Variants in ACLY observed in about 807,000 individuals in gnomAD.
ACLY encodes the protein ATP citrate lyase.
In ACLY, 41 loss-of-function variants were observed where a neutral mutation model predicts 133.0. The ratio of observed to expected loss-of-function variants is 0.31; its 90% CI spans 0.24 to 0.40. The LOEUF is 0.40. Ranked by LOEUF, ACLY falls within the 10% of genes least tolerant of loss-of-function variation. The probability of loss-of-function intolerance (pLI) is 1.00; values close to 1 mark genes in which losing one functional copy is unlikely to be tolerated. For synonymous variants in ACLY, 495 were observed against 549.3 expected (o/e 0.90, Z 1.38); for missense variants, 1,046 against 1,453.8 (o/e 0.72, Z 4.56).
At chr17:41,868,961 G>A in intron 27 of ACLY, 82 bp downstream of exon 27, 2 of 1,377,232 alleles carry the variant, frequency 1.5e-6, no homozygotes, top group Non-Finnish European at 2.0e-6. Flanking sequence ...ATTCTATTAT[G>A]AGTATGCATT....
intron 11 of ACLY, among the ~76,000 whole-genome samples, chr17:41,901,296 C>T (rs1457328652): frequency 1.3e-5 from 2 of 151,860 alleles, no homozygotes; most frequent in Non-Finnish European, 2.9e-5. Context: ...TGAAGGCTGC[C>T]CCGACCCCTC....
intron 1 of ACLY, among the ~76,000 whole-genome samples, chr17:41,924,104 C>T (rs1446913648): frequency 2.0e-5 from 3 of 151,834 alleles, no homozygotes; most frequent in South Asian, 4.2e-4. Context: ...CCACCACGCC[C>T]GGCCCAGTTC....
At chr17:41,876,508 G>T (rs1270645000) in intron 22 of ACLY, among the ~76,000 whole-genome samples, 1 of 152,260 alleles carries the variant, frequency 6.6e-6, no homozygotes, top group African/African-American at 2.4e-5. Flanking sequence ...AAATTGGATG[G>T]TTGCCGTGTC....
intron 1 of ACLY, among the ~76,000 whole-genome samples, chr17:41,927,857 A>G (rs1567923227): frequency 6.6e-6 from 1 of 151,580 alleles, no homozygotes; most frequent in East Asian, 1.9e-4. Context: ...TTATATTTAG[A>G]CAGGCATGGT....
In ACLY at chr17:41,904,654, T is replaced by A; in HGVS notation, c.1065+75A>T. 4 of 1,444,350 alleles carry A rather than the reference T, an allele frequency of 2.8e-6. No individual in the cohort carries two copies. In the Admixed American group the frequency reaches 7.3e-5, roughly 26 times the overall value. 89.5% of individuals were successfully genotyped at this position (1,444,350 alleles called of 1,614,324 possible). On this transcript the variant is annotated intron_variant, in intron 10 of 28. Transcript: ENST00000352035. ...ATGGTAACTTGGCTCTGGCTCAAAC[T>A]CTGCTTTCAAGGCCCCTTCCCTGCT...
At position 41,889,197 on chromosome 17, in the gene ACLY, C is replaced by T. The variant is rs1307123030; in HGVS notation, c.1771-1494G>A. ...GTGATGTGCTAGGTTTTGCCTTGGG[C>T]CATAGTTTGCCAACCTCTGCCCTAA... is the stretch of plus-strand genomic sequence containing the variant. On this transcript the variant is annotated intron_variant, in intron 16 of 28. Coordinates refer to ENST00000352035, the MANE Select transcript of ACLY (RefSeq NM_001096.3). Among the ~76,000 whole-genome samples, 10 of 152,118 alleles carry T rather than the reference C, an allele frequency of 6.6e-5. No homozygotes were observed. The East Asian group carries it at 1.9e-3, about 29-fold the overall frequency.
chr17:41,918,828 A>G (rs2050125951), intron 1 of ACLY, 52 bp downstream of exon 1: 1 of 1,270,228 alleles, frequency 7.9e-7, no homozygotes. Context: ...GGAGGCAGGA[A>G]GCTCCTAGGG....
At chr17:41,920,923 G>A (rs886110726), upstream of ACLY, among the ~76,000 whole-genome samples, 34 of 152,028 alleles carry the variant, frequency 2.2e-4, no homozygotes, top group African/African-American at 8.2e-4. Flanking sequence ...TTAGCTGGGC[G>A]TGGTGGCAGG....
At chr17:41,901,482 T>G (rs2049539065) in intron 11 of ACLY, among the ~76,000 whole-genome samples, 4 of 152,000 alleles carry the variant, frequency 2.6e-5, no homozygotes, top group African/African-American at 7.3e-5. Flanking sequence ...TAAATATCTG[T>G]TAAGTGTAGA....
intron 16 of ACLY, 110 bp from the exon 17 acceptor site, chr17:41,887,813 C>A: frequency 1.1e-6 from 1 of 880,070 alleles, no homozygotes; most frequent in Non-Finnish European, 1.9e-6. Flanking sequence ...TTCCAGGGTC[C>A]AAGAACAAAG....
intron 2 of ACLY, among the ~76,000 whole-genome samples, chr17:41,913,480 T>C (rs1555633975): frequency 6.6e-6 from 1 of 152,228 alleles, no homozygotes; most frequent in African/African-American, 2.4e-5. Context: ...CAGCTTTGAT[T>C]TGGACACCAG....
intron 10 of ACLY, among the ~76,000 whole-genome samples, chr17:41,902,512 C>T (rs563248383): frequency 4.6e-5 from 7 of 152,338 alleles, no homozygotes; most frequent in East Asian, 1.9e-4. Flanking sequence ...CCGCGCCCAG[C>T]GCGGTGTAAG....
At chr17:41,922,222 C>CA (rs1346534889), upstream of ACLY, among the ~76,000 whole-genome samples, 1 of 146,894 alleles carries the variant, frequency 6.8e-6, no homozygotes, top group Admixed American at 6.7e-5. Context: ...ACTAAAAATA[C>CA]AAAAAAAATA....
intron 17 of ACLY, among the ~76,000 whole-genome samples, chr17:41,887,188 C>T (rs2049075647): frequency 6.8e-6 from 1 of 146,996 alleles, no homozygotes; most frequent in Admixed American, 6.8e-5. Context: ...CCTGTAACTC[C>T]AGCACTTTGG....
chr17:41,881,754 G>T (rs889476002), intron 20 of ACLY, among the ~76,000 whole-genome samples: 1 of 152,078 alleles, frequency 6.6e-6, no homozygotes, highest in Non-Finnish European at 1.5e-5. Flanking sequence ...CTGCCACCAC[G>T]TCTGGCTACA....
intron 24 of ACLY, 95 bp downstream of exon 24, chr17:41,871,937 C>A (rs1238266106): frequency 6.3e-7 from 1 of 1,592,632 alleles, no homozygotes; most frequent in African/African-American, 1.3e-5. Context: ...GGGTTTTACA[C>A]TCAGGGGCTC....
At chr17:41,904,701 G>C in intron 10 of ACLY, 28 bp downstream of exon 10, 1 of 1,610,154 alleles carries the variant, frequency 6.2e-7, no homozygotes, top group Non-Finnish European at 8.5e-7. Flanking sequence ...ACTTTCCCCA[G>C]AAACTGCACC....
rs535108605 is a variant in ACLY at position 41,868,057 on chromosome 17, G to A, written c.3212-153C>T. On this transcript the variant is annotated intron_variant, in intron 28 of 28. Transcript: ENST00000352035. The stretch of plus-strand genomic sequence containing the variant: ...AATCCACTGTATAGGTAGATGAGGC[G>A]GACTTTGTACAAGGGAGCTGCTGGA... 2.6e-5 allele frequency among the ~76,000 whole-genome samples: 4 copies of A among 152,002 alleles called. No homozygotes were observed. The South Asian group carries it at 6.2e-4, about 24-fold the overall frequency.
At chr17:41,919,210 G>A (rs1457079272), upstream of ACLY, among the ~76,000 whole-genome samples, 5 of 151,944 alleles carry the variant, frequency 3.3e-5, no homozygotes, top group African/African-American at 7.2e-5. Context: ...CCCGGGTGGG[G>A]AGATGGGCCG....
Sources: gnomAD v4.1 joint callset for allele counts (sites outside exome capture counted in the v4.1 genomes callset) on GRCh38, gnomAD v4.1.1 for gene constraint, MANE v1.5 for transcripts, NCBI Gene and HGNC (gene_info 2026-07-23, HGNC 2026-07-21) for gene names.